The following PDCD10 variants were observed in gnomAD, a reference collection of about 807,000 sequenced individuals.
PDCD10 encodes the protein programmed cell death 10, also known as programmed cell death protein 10.
A neutral mutation model predicts 29.2 loss-of-function variants in PDCD10; 4 were observed. The ratio of observed to expected loss-of-function variants is 0.14; its 90% CI spans 0.07 to 0.31. PDCD10 has a LOEUF of 0.31. Among genes scored for constraint, PDCD10 ranks in the 10% least tolerant of loss-of-function variants. The pLI is 1.00. For synonymous variants in PDCD10, 70 were observed against 82.2 expected, an observed-to-expected ratio of 0.85 and a Z score of 0.80; for missense variants, 183 against 257.9, an observed-to-expected ratio of 0.71 and a Z score of 1.99.
chr3:167,705,143 TGA>T (rs1161464775), intron 3 of PDCD10, among the ~76,000 whole-genome samples: 3 of 152,128 alleles, frequency 2.0e-5, no homozygotes, highest in Non-Finnish European at 2.9e-5. Flanking sequence ...ATCAAACATG[TGA>T]GGTTTATAAT....
intron 3 of PDCD10, among the ~76,000 whole-genome samples, chr3:167,717,954 T>C (rs545211773): frequency 4.6e-5 from 7 of 152,136 alleles, no homozygotes; most frequent in Non-Finnish European, 1.0e-4. Flanking sequence ...AGATGTGCAA[T>C]GTAAATTTCC....
intron 5 of PDCD10, among the ~76,000 whole-genome samples, chr3:167,696,306 C>G (rs1158217202): frequency 6.6e-6 from 1 of 152,164 alleles, no homozygotes; most frequent in Non-Finnish European, 1.5e-5. Context: ...AAGGAGACTT[C>G]ACTAGATTCA....
At chr3:167,691,810 T>G (rs1200537858) in intron 6 of PDCD10, among the ~76,000 whole-genome samples, 1 of 152,228 alleles carries the variant, frequency 6.6e-6, no homozygotes, top group Non-Finnish European at 1.5e-5. Context: ...CACCTGGCAT[T>G]AGATTGCCTG....
At chr3:167,731,627 AC>A (rs1005907101) in intron 2 of PDCD10, among the ~76,000 whole-genome samples, 1 of 152,186 alleles carries the variant, frequency 6.6e-6, no homozygotes, top group Non-Finnish European at 1.5e-5. Flanking sequence ...TATTTACTGA[AC>A]CCTTACAATG....
In PDCD10 at chr3:167,707,932, T is replaced by G. The variant is rs547089693; in HGVS notation, c.97-3037A>C. Among the ~76,000 whole-genome samples, 6 of 152,200 alleles carry G rather than the reference T, an allele frequency of 3.9e-5. 1 individual carries two copies. The South Asian group carries it at 1.2e-3, about 32-fold the overall frequency. Reference sequence around the variant, plus strand: ...GTGAGAGAAAAGGTTTGTAACATACTTCATCTCTCCTAAAAGAGAAGGAAA... The same window carrying G: ...GTGAGAGAAAAGGTTTGTAACATACGTCATCTCTCCTAAAAGAGAAGGAAA... On this transcript the variant is annotated intron_variant, in intron 3 of 8. Coordinates refer to ENST00000392750, the MANE Select transcript of PDCD10 (RefSeq NM_007217.4).
At chr3:167,713,871 A>G (rs990474498) in intron 3 of PDCD10, among the ~76,000 whole-genome samples, 2 of 152,020 alleles carry the variant, frequency 1.3e-5, no homozygotes, top group African/African-American at 4.8e-5. Context: ...CATAACCTGA[A>G]CAGGCCAATA....
intron 4 of PDCD10, among the ~76,000 whole-genome samples, chr3:167,698,636 C>T (rs75759720): frequency 8.5e-5 from 13 of 152,166 alleles, no homozygotes; most frequent in African/African-American, 2.4e-4. Flanking sequence ...AGCATTAATG[C>T]GGTGAACTGC....
At chr3:167,704,185 T>C (rs1440020658) in intron 4 of PDCD10, among the ~76,000 whole-genome samples, 3 of 152,178 alleles carry the variant, frequency 2.0e-5, no homozygotes, top group Non-Finnish European at 2.9e-5. Context: ...AATTAAACAA[T>C]AGAAAGAATA....
At chr3:167,684,858 T>C (rs560316847) in intron 8 of PDCD10, among the ~76,000 whole-genome samples, 1 of 152,350 alleles carries the variant, frequency 6.6e-6, no homozygotes, top group African/African-American at 2.4e-5. Flanking sequence ...GTAGAAATTC[T>C]AAGCTACAAA....
At chr3:167,720,666 T>C (rs1304033887) in intron 2 of PDCD10, among the ~76,000 whole-genome samples, 2 of 152,086 alleles carry the variant, frequency 1.3e-5, no homozygotes, top group Non-Finnish European at 2.9e-5. Flanking sequence ...AAATGCATGA[T>C]GTGTAAGTGT....
At chr3:167,725,766 TATATATATATATATATATA>T (rs1724075123) in intron 2 of PDCD10, among the ~76,000 whole-genome samples, 1 of 6,438 alleles carries the variant, frequency 1.6e-4, no homozygotes, top group African/African-American at 8.8e-4. Flanking sequence ...GTATCGTTTA[TATATATATATATATATATA>T]TATATATATA....
chr3:167,715,666 A>G (rs185588700), intron 3 of PDCD10, among the ~76,000 whole-genome samples: 122 of 152,216 alleles, frequency 8.0e-4, no homozygotes, highest in Middle Eastern at 3.4e-3. Context: ...AAAGGTGCTC[A>G]ACATCATAGA....
At chr3:167,697,307 G>A (rs570619261) in intron 4 of PDCD10, among the ~76,000 whole-genome samples, 181 bp from the exon 5 acceptor site, 20 of 152,206 alleles carry the variant, frequency 1.3e-4, no homozygotes, top group South Asian at 6.2e-4. Context: ...TTGTGCACCC[G>A]ACTCTTTACT....
At chr3:167,724,277 A>T (rs1723868864) in intron 2 of PDCD10, among the ~76,000 whole-genome samples, 1 of 152,236 alleles carries the variant, frequency 6.6e-6, no homozygotes, top group Admixed American at 6.5e-5. Context: ...TCTACACTTA[A>T]AACGTTTGTA....
At chr3:167,711,324 A>G (rs1207557949) in intron 3 of PDCD10, among the ~76,000 whole-genome samples, 1 of 152,228 alleles carries the variant, frequency 6.6e-6, no homozygotes, top group Admixed American at 6.5e-5. Context: ...TTTAACAAAG[A>G]GACTGAAATT....
intron 4 of PDCD10, among the ~76,000 whole-genome samples, chr3:167,701,878 G>C (rs1054885774): frequency 6.6e-6 from 1 of 152,050 alleles, no homozygotes; most frequent in East Asian, 1.9e-4. Flanking sequence ...CGGAAATCAT[G>C]AAAGAGATTG....
rs1264647267 is a variant in PDCD10 at position 167,683,750 on chromosome 3, G to A, written c.*558C>T. On this transcript the variant is annotated 3_prime_UTR_variant, in exon 9 of 9. Transcript: ENST00000392750. ...TCCAAAGTGATTAAGGACAAAAATA[G>A]AAATTCTTGCTTTATTATTTGATAA... 6.6e-6 allele frequency: 1 copy of A among 150,980 alleles called. No homozygotes were observed. Among genetic ancestry groups the A allele is most frequent in the African/African-American group, 2.4e-5 (1 of 41,224 alleles). The allele number at this position is 150,980 out of a possible 1,614,324, so 9.4% of individuals were successfully genotyped here. A position where few individuals can be genotyped will look rare whatever the true frequency, so the allele number is the denominator to read the frequency against.
At chr3:167,732,887 T>A (rs571568348) in intron 2 of PDCD10, among the ~76,000 whole-genome samples, 1 of 152,340 alleles carries the variant, frequency 6.6e-6, no homozygotes, top group African/African-American at 2.4e-5. Flanking sequence ...CCTTTCTTAA[T>A]CCAGCACAAA....
At chr3:167,705,300 A>AT (rs1355403167) in intron 3 of PDCD10, among the ~76,000 whole-genome samples, 3 of 152,126 alleles carry the variant, frequency 2.0e-5, no homozygotes, top group African/African-American at 7.2e-5. Context: ...TTAAATTCTG[A>AT]TTTTTTCAGT....
Sources: allele counts gnomAD v4.1 joint callset (sites outside exome capture counted in the v4.1 genomes callset), GRCh38; gene constraint gnomAD v4.1.1; transcripts MANE v1.5; gene names NCBI Gene and HGNC (gene_info 2026-07-23, HGNC 2026-07-21).